Variants in CCSER1 observed in about 807,000 individuals in gnomAD.
CCSER1 encodes coiled-coil serine rich protein 1, also known as serine-rich coiled-coil domain-containing protein 1.
A neutral mutation model predicts 82.0 loss-of-function variants in CCSER1; 41 were observed. That is an observed-to-expected ratio of 0.50 (90% confidence interval 0.39 to 0.65). CCSER1 has a LOEUF of 0.65. Among genes scored for constraint, CCSER1 ranks in the 30% least tolerant of loss-of-function variants. The pLI, the probability that CCSER1 is intolerant of heterozygous loss-of-function variation, is 0.00. For missense variants in CCSER1, 1,119 were observed against 1,064.2 expected, an observed-to-expected ratio of 1.05 and a Z score of -0.72; for synonymous variants, 414 against 383.9, an observed-to-expected ratio of 1.08 and a Z score of -0.92.
At chr4:90,926,689 C>T (rs558976625) in intron 9 of CCSER1, among the ~76,000 whole-genome samples, 5 of 151,990 alleles carry the variant, frequency 3.3e-5, no homozygotes, top group Non-Finnish European at 7.4e-5. Flanking sequence ...TGTCTCAGCA[C>T]AGGCCTATAA....
At chr4:91,034,262 T>A (rs1270906763) in intron 9 of CCSER1, among the ~76,000 whole-genome samples, 2 of 152,222 alleles carry the variant, frequency 1.3e-5, no homozygotes, top group African/African-American at 4.8e-5. Flanking sequence ...CTATGACTTT[T>A]CAGTATGCAC....
intron 3 of CCSER1, among the ~76,000 whole-genome samples, chr4:90,352,492 G>A (rs928020684): frequency 6.6e-6 from 1 of 151,604 alleles, no homozygotes; most frequent in Admixed American, 6.6e-5. Context: ...GATGAAACCC[G>A]TCCCTACTAA....
intron 9 of CCSER1, among the ~76,000 whole-genome samples, chr4:90,998,592 A>G (rs1423247667): frequency 6.6e-6 from 1 of 152,244 alleles, no homozygotes; most frequent in East Asian, 1.9e-4. Flanking sequence ...TGAAATACAT[A>G]AAATTTATTC....
intron 5 of CCSER1, among the ~76,000 whole-genome samples, chr4:90,495,168 C>CA (rs1419404530): frequency 2.0e-5 from 3 of 152,046 alleles, no homozygotes; most frequent in African/African-American, 7.2e-5. Flanking sequence ...TGGTGTTCAA[C>CA]CCTCCCTTTC....
chr4:91,558,285 G>T (rs1041594668), intron 10 of CCSER1, among the ~76,000 whole-genome samples: 1 of 151,488 alleles, frequency 6.6e-6, no homozygotes, highest in Non-Finnish European at 1.5e-5. Context: ...AATTATTCCA[G>T]CCATTTTAAA....
intron 3 of CCSER1, among the ~76,000 whole-genome samples, chr4:90,338,076 T>C (rs950719850): frequency 1.3e-5 from 2 of 152,222 alleles, no homozygotes; most frequent in African/African-American, 4.8e-5. Context: ...AATGTGAATA[T>C]TGTACTCATA....
chr4:90,158,880 C>G (rs912876708), intron 1 of CCSER1, among the ~76,000 whole-genome samples: 1 of 152,108 alleles, frequency 6.6e-6, no homozygotes, highest in Non-Finnish European at 1.5e-5. Context: ...GTGTGCTGCA[C>G]CCACTGTCCT....
chr4:91,176,000 T>A (rs146372784), intron 10 of CCSER1, among the ~76,000 whole-genome samples: 2,044 of 152,224 alleles, frequency 0.013, 30 homozygotes, highest in African/African-American at 0.037. Context: ...TAATTTTTGT[T>A]TAAGGTGTAA....
chr4:90,421,705 A>C (rs1756717332), intron 4 of CCSER1, among the ~76,000 whole-genome samples: 1 of 152,198 alleles, frequency 6.6e-6, no homozygotes, highest in Non-Finnish European at 1.5e-5. Context: ...AATATGGGGA[A>C]AAACATAAAA....
chr4:90,561,495 G>A (rs991638859), intron 5 of CCSER1, among the ~76,000 whole-genome samples: 4 of 152,176 alleles, frequency 2.6e-5, no homozygotes, highest in Admixed American at 2.6e-4. Context: ...TGGGATTAAA[G>A]CATGCTGTTC....
chr4:91,250,732 A>AT (rs1280572615), intron 10 of CCSER1, among the ~76,000 whole-genome samples: 1 of 151,618 alleles, frequency 6.6e-6, no homozygotes, highest in Non-Finnish European at 1.5e-5. Flanking sequence ...AACTTGAAGA[A>AT]TTTTTTTAAA....
chr4:90,488,070 G>C (rs527812805), intron 5 of CCSER1, among the ~76,000 whole-genome samples: 99 of 152,338 alleles, frequency 6.5e-4, no homozygotes, highest in Non-Finnish European at 8.1e-4. Context: ...GGGAAAATTA[G>C]ACCTTCAGAG....
chr4:90,192,944 A>G (rs568094916), intron 1 of CCSER1, among the ~76,000 whole-genome samples: 1 of 152,082 alleles, frequency 6.6e-6, no homozygotes, highest in African/African-American at 2.4e-5. Context: ...TCCTTTCCAG[A>G]GAACAGCTTG....
rs1434245709 is a variant in CCSER1, at chr4:90,312,968, C to T, written c.1430C>T (p.Pro477Leu). ...GGGAGTAGCAGAATGATTTTGAAAC[C>T]GAAAGATGGAAATATAGAAGAAGTT... ...TAGSSRMILK[P>L]KDGNIEEVNS... The change falls in exon 3 of 11, where the codon CCG (proline) becomes CTG (leucine). Residue 477 changes from proline (P) to leucine (L), a missense_variant. Coordinates refer to ENST00000509176, the MANE Select transcript of CCSER1 (RefSeq NM_001145065.2). The T allele has an allele frequency of 1.0e-5, 16 of 1,600,158 alleles. No homozygotes were observed. The highest frequency in any genetic ancestry group is 4.5e-5 in the East Asian group (2 of 44,496).
intron 10 of CCSER1, among the ~76,000 whole-genome samples, chr4:91,378,824 G>T (rs891397874): frequency 6.6e-6 from 1 of 152,096 alleles, no homozygotes; most frequent in Non-Finnish European, 1.5e-5. Flanking sequence ...TCCCTGTTTT[G>T]TGCCAGTTTT....
chr4:90,946,245 G>A (rs546234827), intron 9 of CCSER1, among the ~76,000 whole-genome samples: 2 of 152,304 alleles, frequency 1.3e-5, no homozygotes, highest in African/African-American at 4.8e-5. Flanking sequence ...AGGTGCTGCT[G>A]TGACAATGTT....
At chr4:90,361,933 G>T (rs1042605587) in intron 3 of CCSER1, among the ~76,000 whole-genome samples, 1 of 152,144 alleles carries the variant, frequency 6.6e-6, no homozygotes, top group Non-Finnish European at 1.5e-5. Flanking sequence ...GATATATACA[G>T]TTTCTTTCTT....
At chr4:90,685,558 C>T (rs1734675283) in intron 6 of CCSER1, among the ~76,000 whole-genome samples, 1 of 152,128 alleles carries the variant, frequency 6.6e-6, no homozygotes, top group Non-Finnish European at 1.5e-5. Flanking sequence ...ACTAAATACA[C>T]ATTCTCCAGA....
chr4:91,536,372 CAT>C (rs1256618382), intron 10 of CCSER1, among the ~76,000 whole-genome samples: 2 of 152,034 alleles, frequency 1.3e-5, no homozygotes, highest in African/African-American at 4.8e-5. Context: ...TTCACCAGTA[CAT>C]GATAGAGAGA....
Sources: gnomAD v4.1 joint callset for allele counts (sites outside exome capture counted in the v4.1 genomes callset) on GRCh38, gnomAD v4.1.1 for gene constraint, MANE v1.5 for transcripts, NCBI Gene and HGNC (gene_info 2026-07-23, HGNC 2026-07-21) for gene names.